SMG6: variants seen among roughly 807,000 people sequenced by gnomAD.
SMG6 encodes the protein telomerase-binding protein EST1A.
Under a neutral mutation model 142.2 loss-of-function variants are expected in SMG6, and 66 were observed. The ratio of observed to expected loss-of-function variants is 0.46; its 90% CI spans 0.38 to 0.57. The LOEUF (loss-of-function observed/expected upper bound fraction) is 0.57, where lower values mean the gene tolerates loss of function less well. SMG6 is among the 20% of genes least tolerant of loss of function. The pLI is 0.00. For synonymous variants in SMG6, 779 were observed against 702.4 expected, an observed-to-expected ratio of 1.11 and a Z score of -1.72; for missense variants, 1,793 against 1,832.0, an observed-to-expected ratio of 0.98 and a Z score of 0.39.
chr17:2,297,573 C>G lies in SMG6; in HGVS notation c.2041-220G>C, dbSNP rs1291084014. Among the ~76,000 whole-genome samples the G allele has an allele frequency of 9.2e-5, 14 of 152,016 alleles. 1 individual carries two copies. In the East Asian group the frequency reaches 2.7e-3, roughly 29 times the overall value. On this transcript the variant is annotated intron_variant, in intron 3 of 18. Coordinates refer to ENST00000263073, the MANE Select transcript of SMG6 (RefSeq NM_017575.5). ...AGATATGAACACATGAACACACACA[C>G]ACACACACACACACGCTCTCTCCAC... is the stretch of plus-strand genomic sequence containing the variant.
chr17:2,282,657 C>T lies in SMG6; in HGVS notation c.2651G>A (p.Ser884Asn), dbSNP rs1489053633. 1 of 1,613,944 alleles carries T rather than the reference C, an allele frequency of 6.2e-7. No individual in the cohort carries two copies. The highest frequency in any genetic ancestry group is 2.2e-5 in the East Asian group (1 of 44,880). Residue 884 changes from serine (S) to asparagine (N), a missense_variant, in exon 8 of 19, where the codon AGT (serine) becomes AAT (asparagine). Ser to Asn is a conservative substitution (Grantham distance 46). Transcript: ENST00000263073. The part of the protein sequence containing the change: ...SEQENGLGSL[S>N]PSDLNKRFIL... Reference sequence around the variant, plus strand: ...TTCTCAGGAACTTACATCACTGGGACTCAGGCTGCCCAGCCCATTCTCTTG... The same window carrying T: ...TTCTCAGGAACTTACATCACTGGGATTCAGGCTGCCCAGCCCATTCTCTTG...
intron 7 of SMG6, among the ~76,000 whole-genome samples, chr17:2,283,187 CAT>C (rs1356698158): frequency 2.0e-5 from 3 of 152,150 alleles, no homozygotes; most frequent in African/African-American, 7.2e-5. Flanking sequence ...AAAAAACACA[CAT>C]GAGCTCAGAC....
intron 13 of SMG6, among the ~76,000 whole-genome samples, chr17:2,137,349 GAACA>G (rs1031515629): frequency 6.6e-6 from 1 of 152,100 alleles, no homozygotes; most frequent in African/African-American, 2.4e-5. Context: ...AAACACACTA[GAACA>G]AACACCCTAA....
chr17:2,114,861 G>A (rs1256511933), intron 13 of SMG6, among the ~76,000 whole-genome samples: 2 of 144,366 alleles, frequency 1.4e-5, no homozygotes, highest in Non-Finnish European at 3.0e-5. Flanking sequence ...TCCAGGAGGC[G>A]GAGGTTGTGG....
At chr17:2,191,773 G>C (rs941431762) in intron 10 of SMG6, among the ~76,000 whole-genome samples, 1 of 152,092 alleles carries the variant, frequency 6.6e-6, no homozygotes, top group African/African-American at 2.4e-5. Flanking sequence ...CTATGTAACA[G>C]GGAGACTTTC....
At chr17:2,147,924 G>A (rs1357973426) in intron 13 of SMG6, among the ~76,000 whole-genome samples, 1 of 152,164 alleles carries the variant, frequency 6.6e-6, no homozygotes, top group Admixed American at 6.5e-5. Context: ...CGGGCACGGT[G>A]CCTCACGCCT....
rs1383539233 is a variant in SMG6, at chr17:2,303,186, C to G, written c.88+447G>C. 7.1e-6 allele frequency: 7 copies of G among 985,334 alleles called. No homozygotes were observed. In the African/African-American group the frequency reaches 8.7e-5, roughly 12 times the overall value. 61.0% of individuals were successfully genotyped at this position (985,334 alleles called of 1,614,324 possible). A position where few individuals can be genotyped will look rare whatever the true frequency, so the allele number is the denominator to read the frequency against. On this transcript the variant is annotated intron_variant, in intron 1 of 18. Transcript: ENST00000263073. ...GGGGGGAAAAGTTCAGCAACGAAGT[C>G]GCAGGCTCTTAAACCTTTCTCCCCA...
intron 13 of SMG6, among the ~76,000 whole-genome samples, chr17:2,124,286 A>G (rs1197228773): frequency 6.6e-6 from 1 of 152,230 alleles, no homozygotes; most frequent in Non-Finnish European, 1.5e-5. Context: ...AGGGGTGACA[A>G]TAAGGGTGGG....
intron 10 of SMG6, among the ~76,000 whole-genome samples, chr17:2,189,764 G>A (rs1597560113): frequency 1.3e-5 from 2 of 151,804 alleles, no homozygotes; most frequent in East Asian, 1.9e-4. Context: ...AGTACACAAA[G>A]CCAGCCCCAA....
At position 2,220,502 on chromosome 17, in the gene SMG6, C is replaced by A. The variant is rs191250603; in HGVS notation, c.2869+15990G>T. On this transcript the variant is annotated intron_variant, in intron 10 of 18. Coordinates refer to ENST00000263073, the MANE Select transcript of SMG6 (RefSeq NM_017575.5). ...AAAATTAGCTGAGCGTAGTGGCATG[C>A]GCTTGTAGTCCCAGCTACTTGGGAG... Among the ~76,000 whole-genome samples the A allele has an allele frequency of 3.9e-5, 6 of 152,118 alleles. No homozygotes were observed. The East Asian group carries it at 5.8e-4, about 15-fold the overall frequency.
chr17:2,150,277 T>A (rs2070787353), intron 13 of SMG6, among the ~76,000 whole-genome samples: 1 of 152,182 alleles, frequency 6.6e-6, no homozygotes, highest in African/African-American at 2.4e-5. Context: ...AGTGGAACAG[T>A]TTCATCCTGA....
At position 2,085,727 on chromosome 17, in the gene SMG6, C is replaced by CA; in HGVS notation, c.3531dup (p.Glu1178Ter). The CA allele has an allele frequency of 6.2e-7, 1 of 1,612,978 alleles. No homozygotes were observed. The stretch of plus-strand genomic sequence containing the variant: ...AGCGGGCTCTTCCCGCATAGTACCT[C>CA]ATCTTCCAGTCGTGTTCCCTCTTGG... On this transcript the variant is annotated frameshift_variant, in exon 14 of 19. Coordinates refer to ENST00000263073, the MANE Select transcript of SMG6 (RefSeq NM_017575.5). LOFTEE classifies it high-confidence loss of function. The surrounding 1 kb of genome is among the most constrained non-coding windows in gnomAD (Gnocchi z 4.1).
intron 13 of SMG6, among the ~76,000 whole-genome samples, chr17:2,118,294 T>C (rs765536896): frequency 1.8e-4 from 27 of 152,084 alleles, no homozygotes; most frequent in Non-Finnish European, 2.8e-4. Flanking sequence ...TCCCAGCACT[T>C]TGGGAGGCTG....
chr17:2,106,498 T>C (rs1230256468), intron 13 of SMG6, among the ~76,000 whole-genome samples: 1 of 151,926 alleles, frequency 6.6e-6, no homozygotes, highest in East Asian at 1.9e-4. Context: ...ACAAAGGCTA[T>C]AGTTAGAGAG....
chr17:2,155,553 GA>G (rs1368686100), intron 13 of SMG6, among the ~76,000 whole-genome samples: 1 of 152,150 alleles, frequency 6.6e-6, no homozygotes, highest in African/African-American at 2.4e-5. Context: ...AGGTTCCATG[GA>G]AAAAGATGTG....
chr17:2,231,676 G>A (rs1434727701), intron 10 of SMG6, among the ~76,000 whole-genome samples: 2 of 151,952 alleles, frequency 1.3e-5, no homozygotes, highest in Non-Finnish European at 1.5e-5. Flanking sequence ...CAGCCTGGGC[G>A]ACAGAGCAAG....
chr17:2,113,092 C>T (rs760657944), intron 13 of SMG6, among the ~76,000 whole-genome samples: 83 of 152,084 alleles, frequency 5.5e-4, no homozygotes, highest in Non-Finnish European at 7.5e-4. Flanking sequence ...GAGTCTTGCT[C>T]TGTCACCCAG....
chr17:2,083,186 G>A (rs926640510), intron 14 of SMG6, among the ~76,000 whole-genome samples: 17 of 152,242 alleles, frequency 1.1e-4, no homozygotes, highest in African/African-American at 2.9e-4. Context: ...GCTCAGCATC[G>A]TGAGGCCTGC....
chr17:2,241,606 G>A (rs964383117), intron 9 of SMG6, among the ~76,000 whole-genome samples: 1 of 152,026 alleles, frequency 6.6e-6, no homozygotes, highest in African/African-American at 2.4e-5. Context: ...GCCCAGGCTG[G>A]TCTTGAACTC....
Sources: allele counts gnomAD v4.1 joint callset (sites outside exome capture counted in the v4.1 genomes callset), GRCh38; gene constraint gnomAD v4.1.1; non-coding constraint Gnocchi (gnomAD v3.1); transcripts MANE v1.5; gene names NCBI Gene and HGNC (gene_info 2026-07-23, HGNC 2026-07-21).